MUSK: variants seen among roughly 807,000 people sequenced by gnomAD.
MUSK encodes muscle associated receptor tyrosine kinase, also known as muscle, skeletal receptor tyrosine-protein kinase.
A neutral mutation model predicts 88.7 loss-of-function variants in MUSK; 55 were observed. The observed-to-expected ratio is 0.62, with a 90% CI of 0.50 to 0.78. The LOEUF (loss-of-function observed/expected upper bound fraction) is 0.78, where lower values mean the gene tolerates loss of function less well. Ranked by LOEUF, MUSK falls within the 30% of genes least tolerant of loss-of-function variation. The pLI, the probability that MUSK is intolerant of heterozygous loss-of-function variation, is 0.00. For missense variants in MUSK, 1,015 were observed against 1,074.3 expected, an observed-to-expected ratio of 0.94 and a Z score of 0.77; for synonymous variants, 387 against 391.9, an observed-to-expected ratio of 0.99 and a Z score of 0.15.
At chr9:110,770,415 A>G (rs1464745686) in intron 9 of MUSK, among the ~76,000 whole-genome samples, 1 of 146,570 alleles carries the variant, frequency 6.8e-6, no homozygotes, top group African/African-American at 2.5e-5. Context: ...ATAGTATATA[A>G]CTTATATAAT....
At chr9:110,767,419 G>T (rs905530363) in intron 8 of MUSK, among the ~76,000 whole-genome samples, 3 of 152,164 alleles carry the variant, frequency 2.0e-5, no homozygotes, top group Non-Finnish European at 4.4e-5. Context: ...TTTTAGGTGA[G>T]AGCAATTATT....
At position 110,744,493 on chromosome 9, in the gene MUSK, C is replaced by T. The variant is rs529609450; in HGVS notation, c.754-3148C>T. 3.9e-5 allele frequency among the ~76,000 whole-genome samples: 6 copies of T among 152,264 alleles called. No individual in the cohort carries two copies. In the South Asian group the frequency reaches 1.0e-3, roughly 26 times the overall value. On this transcript the variant is annotated intron_variant, in intron 6 of 14. Coordinates refer to ENST00000374448, the MANE Select transcript of MUSK (RefSeq NM_005592.4). ...CCACAGGTCTATAACTGCTCAATCACCTTCAAAGAGTTTTTACACACATTA... is the reference window on the plus strand; with the variant it reads ...CCACAGGTCTATAACTGCTCAATCATCTTCAAAGAGTTTTTACACACATTA...
At chr9:110,689,468 T>A (rs1424734495) in intron 3 of MUSK, among the ~76,000 whole-genome samples, 1 of 110,314 alleles carries the variant, frequency 9.1e-6, no homozygotes, top group Non-Finnish European at 1.6e-5. Context: ...TATTTATATA[T>A]ATGTAAAAAA....
At chr9:110,713,907 A>T (rs1325877889) in intron 5 of MUSK, among the ~76,000 whole-genome samples, 1 of 152,178 alleles carries the variant, frequency 6.6e-6, no homozygotes, top group East Asian at 1.9e-4. Context: ...TAAACGTACC[A>T]TGGTTATACA....
chr9:110,685,680 G>A (rs1348698494), intron 2 of MUSK, among the ~76,000 whole-genome samples: 1 of 152,008 alleles, frequency 6.6e-6, no homozygotes, highest in Non-Finnish European at 1.5e-5. Flanking sequence ...CACCAGTAGT[G>A]CTTTGAACAT....
chr9:110,744,542 T>C (rs1405939461), intron 6 of MUSK, among the ~76,000 whole-genome samples: 3 of 152,248 alleles, frequency 2.0e-5, no homozygotes, highest in African/African-American at 4.8e-5. Flanking sequence ...TTATTATGCC[T>C]ATTTAATAGA....
chr9:110,706,191 A>G (rs770514373), intron 5 of MUSK: 7 of 441,626 alleles, frequency 1.6e-5, no homozygotes, highest in African/African-American at 1.4e-4. Context: ...TAAATCAACC[A>G]TATTGGCTCA....
intron 9 of MUSK, among the ~76,000 whole-genome samples, chr9:110,772,692 G>A (rs2077597404): frequency 6.6e-6 from 1 of 151,994 alleles, no homozygotes; most frequent in South Asian, 2.1e-4. Flanking sequence ...TAGTTTAATA[G>A]TGATGCGTCA....
At chr9:110,710,100 A>G (rs1437155691) in intron 5 of MUSK, among the ~76,000 whole-genome samples, 2 of 152,234 alleles carry the variant, frequency 1.3e-5, no homozygotes, top group Non-Finnish European at 2.9e-5. Context: ...AGGTTGGCAA[A>G]GGAACTTGAG....
At chr9:110,753,850 A>G (rs2077279067) in intron 7 of MUSK, among the ~76,000 whole-genome samples, 1 of 152,066 alleles carries the variant, frequency 6.6e-6, no homozygotes, top group Non-Finnish European at 1.5e-5. Flanking sequence ...GATGTTTCAC[A>G]CTACTACAGA....
rs2077316103 is a variant in MUSK at position 110,755,979 on chromosome 9, C to CATATATATATACATATATATATACGT, written c.914-6212_914-6211insCATATATATATACGTATATATATATA. On this transcript the variant is annotated intron_variant, in intron 7 of 14. Coordinates refer to ENST00000374448, the MANE Select transcript of MUSK (RefSeq NM_005592.4). Reference sequence around the variant, plus strand: ...ATATATATATACATATATATATATACATATATATATATATATATGAATTTA... The same window carrying CATATATATATACATATATATATACGT: ...ATATATATATACATATATATATATACATATATATATACATATATATATACGTATATATATATATATATATGAATTTA... 3.9e-5 allele frequency among the ~76,000 whole-genome samples: 4 copies of CATATATATATACATATATATATACGT among 102,520 alleles called. 1 individual carries two copies. In the South Asian group the frequency reaches 1.4e-3, roughly 36 times the overall value. 67.3% of individuals were successfully genotyped at this position (102,520 alleles called of 152,430 possible). A position where few individuals can be genotyped will look rare whatever the true frequency, so the allele number is the denominator to read the frequency against.
intron 1 of MUSK, among the ~76,000 whole-genome samples, chr9:110,671,991 T>A (rs2075963574): frequency 6.6e-6 from 1 of 152,200 alleles, no homozygotes; most frequent in Non-Finnish European, 1.5e-5. Context: ...ATTGTATGTA[T>A]ATAAGGATAG....
At chr9:110,735,801 T>A (rs2077023936) in intron 6 of MUSK, among the ~76,000 whole-genome samples, 1 of 151,968 alleles carries the variant, frequency 6.6e-6, no homozygotes, top group Non-Finnish European at 1.5e-5. Flanking sequence ...GAAAGCAAAG[T>A]GGGAGCAAGA....
intron 1 of MUSK, among the ~76,000 whole-genome samples, chr9:110,672,260 T>C (rs1323909283): frequency 1.3e-5 from 2 of 152,128 alleles, no homozygotes; most frequent in Non-Finnish European, 2.9e-5. Flanking sequence ...AAATAAAACC[T>C]GATGTCGTTG....
chr9:110,752,217 A>C (rs1467812227), intron 7 of MUSK, among the ~76,000 whole-genome samples: 1 of 152,272 alleles, frequency 6.6e-6, no homozygotes, highest in South Asian at 2.1e-4. Flanking sequence ...TGTGAGTTAG[A>C]CCTGCTAGAA....
At chr9:110,727,182 T>G (rs1012032601) in intron 5 of MUSK, among the ~76,000 whole-genome samples, 7 of 151,972 alleles carry the variant, frequency 4.6e-5, no homozygotes, top group Middle Eastern at 3.4e-3. Flanking sequence ...TTGATGGAGG[T>G]AGGGAAAGTT....
intron 6 of MUSK, among the ~76,000 whole-genome samples, chr9:110,743,801 A>T (rs2131865327): frequency 6.6e-6 from 1 of 152,308 alleles, no homozygotes; most frequent in African/African-American, 2.4e-5. Flanking sequence ...TCTTATGTGG[A>T]ATAATTCAGC....
At chr9:110,724,522 G>A (rs10980544) in intron 5 of MUSK, among the ~76,000 whole-genome samples, 4 of 152,012 alleles carry the variant, frequency 2.6e-5, no homozygotes, top group African/African-American at 9.6e-5. Flanking sequence ...TTCTGACTAC[G>A]ATACTATGAC....
chr9:110,692,276 C>T (rs1381388943), intron 3 of MUSK, among the ~76,000 whole-genome samples: 1 of 152,036 alleles, frequency 6.6e-6, no homozygotes, highest in Non-Finnish European at 1.5e-5. Flanking sequence ...CCTCCTGCTT[C>T]AGCCTCCCAA....
Sources: gnomAD v4.1 joint callset for allele counts (sites outside exome capture counted in the v4.1 genomes callset) on GRCh38, gnomAD v4.1.1 for gene constraint, MANE v1.5 for transcripts, NCBI Gene and HGNC (gene_info 2026-07-23, HGNC 2026-07-21) for gene names.